Variants in SLC16A2 observed in about 807,000 individuals in gnomAD.
SLC16A2 encodes solute carrier family 16 member 2, also known as monocarboxylate transporter 8.
A neutral mutation model predicts 27.2 loss-of-function variants in SLC16A2; 3 were observed. That is an observed-to-expected ratio of 0.11 (90% CI 0.05 to 0.28). SLC16A2 has a LOEUF of 0.28. Ranked by LOEUF, SLC16A2 falls within the 10% of genes least tolerant of loss-of-function variation. SLC16A2 has a pLI of 1.00. For missense variants in SLC16A2, 295 were observed against 458.5 expected, an observed-to-expected ratio of 0.64 and a Z score of 3.26; for synonymous variants, 202 against 187.8, an observed-to-expected ratio of 1.08 and a Z score of -0.62.
intron 1 of SLC16A2, among the ~76,000 whole-genome samples, chrX:74,449,344 G>A (rs772026567): frequency 1.1e-4 from 12 of 111,986 alleles, no homozygotes; most frequent in Non-Finnish European, 1.7e-4. Context: ...AAGCTGGAGG[G>A]TCAGGGGTGG....
chrX:74,479,295 A>C (rs1267451797), intron 1 of SLC16A2, among the ~76,000 whole-genome samples: 1 of 111,483 alleles, frequency 9.0e-6, no homozygotes, highest in African/African-American at 3.3e-5. Flanking sequence ...AGGCTTGTGC[A>C]TTCATCATGT....
At chrX:74,434,870 C>T (rs1928595336) in intron 1 of SLC16A2, among the ~76,000 whole-genome samples, 1 of 101,042 alleles carries the variant, frequency 9.9e-6, no homozygotes, top group African/African-American at 3.8e-5. Context: ...GGCTGGAGTG[C>T]AGTGGCGCGA....
chrX:74,506,925 ATTTATTTATTTATTTTTT>A (rs1378595940), intron 1 of SLC16A2, among the ~76,000 whole-genome samples: 5 of 29,735 alleles, frequency 1.7e-4, no homozygotes, highest in Non-Finnish European at 5.5e-4. Flanking sequence ...TTATTTATTT[ATTTATTTATTTATTTTTT>A]TTTTTTTGAG....
At position 74,500,408 on chromosome X, in the gene SLC16A2, A is replaced by T. The variant is rs768564292; in HGVS notation, c.431-20582A>T. On this transcript the variant is annotated intron_variant, in intron 1 of 5. Coordinates refer to ENST00000587091, the MANE Select transcript of SLC16A2 (RefSeq NM_006517.5). ...TATTCTGGAATAGAATGTATATTTTAAAAAAATTTTCCATATGTTATTGGG... is the reference window on the plus strand; with the variant it reads ...TATTCTGGAATAGAATGTATATTTTTAAAAAATTTTCCATATGTTATTGGG... Among the ~76,000 whole-genome samples the T allele has an allele frequency of 6.3e-5, 7 of 111,767 alleles. No homozygotes were observed. In the East Asian group the frequency reaches 1.1e-3, roughly 18 times the overall value.
intron 1 of SLC16A2, among the ~76,000 whole-genome samples, chrX:74,510,917 C>T (rs754799701): frequency 9.4e-6 from 1 of 106,203 alleles, no homozygotes; most frequent in South Asian, 4.2e-4. Context: ...AAAAAATAGC[C>T]GGGTGTGGTG....
In SLC16A2 at chrX:74,421,532, C is replaced by CAGCGGCAGCAGCAGCCCTCCG; in HGVS notation, c.-102_-82dup. The CAGCGGCAGCAGCAGCCCTCCG allele has an allele frequency of 9.6e-7, 1 of 1,038,513 alleles. No individual in the cohort carries two copies. Among genetic ancestry groups the CAGCGGCAGCAGCAGCCCTCCG allele is most frequent in the African/African-American group, 1.8e-5 (1 of 54,355 alleles). The allele number at this position is 1,038,513 out of a possible 1,213,427, so 85.6% of individuals were successfully genotyped here. A position where few individuals can be genotyped will look rare whatever the true frequency, so the allele number is the denominator to read the frequency against. On this transcript the variant is annotated 5_prime_UTR_variant, in exon 1 of 6. Transcript: ENST00000587091. The stretch of plus-strand genomic sequence containing the variant: ...CGGAGCCTGGAGGAGGAGGCAGCGG[C>CAGCGGCAGCAGCAGCCCTCCG]AGCGGCAGCAGCAGCCCTCCGAGCA...
intron 5 of SLC16A2, among the ~76,000 whole-genome samples, chrX:74,530,984 G>A (rs1288971829): frequency 8.9e-6 from 1 of 112,183 alleles, no homozygotes; most frequent in Non-Finnish European, 1.9e-5. Context: ...GGCGGGGGTA[G>A]GAGGCTGGGA....
At chrX:74,517,835 GT>G (rs1264094607) in intron 1 of SLC16A2, among the ~76,000 whole-genome samples, 1 of 111,731 alleles carries the variant, frequency 9.0e-6, no homozygotes, top group Non-Finnish European at 1.9e-5. Flanking sequence ...CTACTGATTT[GT>G]TTTCCTGTCC....
At chrX:74,429,290 A>T (rs748233646) in intron 1 of SLC16A2, among the ~76,000 whole-genome samples, 1 of 111,357 alleles carries the variant, frequency 9.0e-6, no homozygotes, top group East Asian at 2.8e-4. Context: ...CAACATAGGG[A>T]TACCCCGTCT....
At chrX:74,448,005 C>G (rs933967407) in intron 1 of SLC16A2, among the ~76,000 whole-genome samples, 3 of 111,308 alleles carry the variant, frequency 2.7e-5, no homozygotes, top group Non-Finnish European at 3.8e-5. Flanking sequence ...AACAAAAACA[C>G]AAAAAAACCT....
chrX:74,495,334 T>C (rs752253431), intron 1 of SLC16A2, among the ~76,000 whole-genome samples: 1 of 109,581 alleles, frequency 9.1e-6, no homozygotes, highest in East Asian at 2.9e-4. Flanking sequence ...GGAAAGGGAG[T>C]GTCCAGGCAA....
rs1489328537 is a variant in SLC16A2 at position 74,437,791 on chromosome X, G to A, written c.430+15724G>A. Among the ~76,000 whole-genome samples, 5 of 111,831 alleles carry A rather than the reference G, an allele frequency of 4.5e-5. No individual in the cohort carries two copies. In the East Asian group the frequency reaches 1.1e-3, roughly 25 times the overall value. ...AGACAGATAGATCCACAGGCAGCAA[G>A]AAGAGAGAATAGGGAGGTAAAAAAC... On this transcript the variant is annotated intron_variant, in intron 1 of 5. Coordinates refer to ENST00000587091, the MANE Select transcript of SLC16A2 (RefSeq NM_006517.5).
intron 4 of SLC16A2, among the ~76,000 whole-genome samples, chrX:74,528,246 T>C: frequency 9.0e-6 from 1 of 111,349 alleles, no homozygotes; most frequent in Admixed American, 9.5e-5. Flanking sequence ...CTCTACTGGC[T>C]GCAGGGGGTT....
At chrX:74,507,561 A>G (rs1930157385) in intron 1 of SLC16A2, among the ~76,000 whole-genome samples, 1 of 112,310 alleles carries the variant, frequency 8.9e-6, no homozygotes, top group Non-Finnish European at 1.9e-5. Context: ...TACAAAAATG[A>G]TACCTGCACT....
intron 1 of SLC16A2, among the ~76,000 whole-genome samples, chrX:74,447,566 T>TC (rs1403592450): frequency 9.1e-6 from 1 of 110,135 alleles, no homozygotes; most frequent in Admixed American, 9.7e-5. Context: ...TCCTAGCTAC[T>TC]CAGGAGGCTG....
At chrX:74,474,204 T>C (rs959704126) in intron 1 of SLC16A2, among the ~76,000 whole-genome samples, 3 of 111,948 alleles carry the variant, frequency 2.7e-5, no homozygotes, top group African/African-American at 6.5e-5. Context: ...TCCATGAAAA[T>C]GGAATGTTTC....
intron 1 of SLC16A2, among the ~76,000 whole-genome samples, chrX:74,437,420 G>A (rs1234671592): frequency 8.9e-6 from 1 of 112,200 alleles, no homozygotes; most frequent in Non-Finnish European, 1.9e-5. Context: ...AAGGACTTCA[G>A]TTCAGTGTTC....
At chrX:74,454,908 A>G (rs775954771) in intron 1 of SLC16A2, among the ~76,000 whole-genome samples, 2 of 110,614 alleles carry the variant, frequency 1.8e-5, no homozygotes, top group Non-Finnish European at 3.8e-5. Context: ...TTTCTTGTGT[A>G]TTGCTTCACA....
At chrX:74,504,966 G>A (rs1930099794) in intron 1 of SLC16A2, among the ~76,000 whole-genome samples, 1 of 111,208 alleles carries the variant, frequency 9.0e-6, no homozygotes, top group Non-Finnish European at 1.9e-5. Flanking sequence ...CTCCAACCCG[G>A]GTGACAGAGC....
Sources: allele counts gnomAD v4.1 joint callset (sites outside exome capture counted in the v4.1 genomes callset), GRCh38; gene constraint gnomAD v4.1.1; transcripts MANE v1.5; gene names NCBI Gene and HGNC (gene_info 2026-07-23, HGNC 2026-07-21).